The following MYO9B variants were observed in gnomAD, a reference collection of about 807,000 sequenced individuals.
MYO9B encodes unconventional myosin-IXb.
Under a neutral mutation model 229.5 loss-of-function variants are expected in MYO9B, and 71 were observed. The ratio of observed to expected loss-of-function variants is 0.31; its 90% confidence interval spans 0.26 to 0.38. The LOEUF (loss-of-function observed/expected upper bound fraction) is 0.38, where lower values mean the gene tolerates loss of function less well. Ranked by LOEUF, MYO9B falls within the 10% of genes least tolerant of loss-of-function variation. The pLI is 1.00. For synonymous variants in MYO9B, 1,185 were observed against 1,235.8 expected (o/e 0.96, Z 0.86); for missense variants, 2,255 against 2,920.5 (o/e 0.77, Z 5.25).
At chr19:17,160,516 T>C (rs1270775254) in intron 8 of MYO9B, among the ~76,000 whole-genome samples, 2 of 148,368 alleles carry the variant, frequency 1.3e-5, no homozygotes, top group Non-Finnish European at 3.0e-5. Context: ...TTTTCTTTTT[T>C]TTTTTTTTTT....
Position 17,212,284 on chromosome 19 carries a change from C to G in MYO9B, c.6448C>G (p.Pro2150Ala). 2.0e-6 allele frequency: 3 copies of G among 1,538,344 alleles called. No individual in the cohort carries two copies. The highest frequency in any genetic ancestry group is 2.6e-6 in the Non-Finnish European group (3 of 1,150,264). The change falls in exon 40 of 40, where the codon CCC (proline) becomes GCC (alanine). Residue 2150 changes from proline (P) to alanine (A), a missense_variant. Physicochemically the swap from Pro to Ala is conservative, Grantham distance 27 (BLOSUM62 -1). Around this residue, in one of 7 missense-constraint regions of MYO9B, gnomAD observed 331 missense variants for 332.5 expected, o/e 1.00. Transcript: ENST00000682292. The surrounding 1 kb of genome is among the most constrained non-coding windows in gnomAD (Gnocchi z 5.4). The stretch of plus-strand genomic sequence containing the variant: ...GGATCCCCCAACGTACTGCCTGCCC[C>G]CCGCCTCGGGCCAGACCAATGGCTG... The part of the protein sequence containing the change: ...YSDPPTYCLP[P>A]ASGQTNG
chr19:17,211,335 G>A (rs953789794), intron 38 of MYO9B, among the ~76,000 whole-genome samples: 4 of 152,078 alleles, frequency 2.6e-5, no homozygotes, highest in African/African-American at 4.8e-5. Flanking sequence ...GCAGTGGTGC[G>A]ATCACGGTTC....
At chr19:17,121,455 A>G (rs1038775888) in intron 2 of MYO9B, among the ~76,000 whole-genome samples, 5 of 151,018 alleles carry the variant, frequency 3.3e-5, no homozygotes, top group Non-Finnish European at 7.4e-5. Context: ...ATATATATAT[A>G]TATATATATC....
chr19:17,158,846 A>G (rs2072566529), intron 7 of MYO9B, among the ~76,000 whole-genome samples: 1 of 152,210 alleles, frequency 6.6e-6, no homozygotes, highest in Non-Finnish European at 1.5e-5. Context: ...ACGGAGCATG[A>G]GCATCCGGCA....
intron 35 of MYO9B, among the ~76,000 whole-genome samples, chr19:17,208,353 A>AAAAAGCAAAT (rs74332276): frequency 8.0e-6 from 1 of 124,614 alleles, no homozygotes. Flanking sequence ...AAAAAAAAAA[A>AAAAAGCAAAT]ATCCAGATGG....
intron 2 of MYO9B, among the ~76,000 whole-genome samples, chr19:17,106,593 A>C (rs564543645): frequency 6.6e-6 from 1 of 152,338 alleles, no homozygotes; most frequent in African/African-American, 2.4e-5. Flanking sequence ...AGGCCAAAAC[A>C]TCAGTGCCTG....
At position 17,184,795 on chromosome 19, in the gene MYO9B, C is replaced by T. The variant is rs570466787; in HGVS notation, c.2374-70C>T. ...CGCTGTTCTGCCCTGGCTTCGGGGA[C>T]ACCTGTGATGCCTCCCCGTGCCCGT... On this transcript the variant is annotated intron_variant, in intron 16 of 39. Transcript: ENST00000682292. The T allele has an allele frequency of 2.5e-5, 40 of 1,599,752 alleles. No individual in the cohort carries two copies. In the African/African-American group the frequency reaches 4.3e-4, roughly 17 times the overall value.
At chr19:17,178,843 G>A (rs2072820777) in intron 14 of MYO9B, among the ~76,000 whole-genome samples, 1 of 151,956 alleles carries the variant, frequency 6.6e-6, no homozygotes, top group African/African-American at 2.4e-5. Context: ...AGACCAGCCT[G>A]GCCAACATGG....
At chr19:17,091,517 GC>G (rs2057638137) in intron 1 of MYO9B, among the ~76,000 whole-genome samples, 1 of 152,192 alleles carries the variant, frequency 6.6e-6, no homozygotes, top group South Asian at 2.1e-4. Flanking sequence ...GACCAGCCTG[GC>G]CAACATGGTG....
In MYO9B at chr19:17,157,020, C is replaced by A. The variant is rs2072544861; in HGVS notation, c.1311C>A (p.Thr437=). ...LEVGPPEVLD[T]LSQLLKVKRE... is the part of the protein sequence containing the mutation. ...TCGGGCCACCCGAGGTGCTGGACAC[C>A]CTGTCGCAGCTTCTGAAGGTACTGA... The change falls in exon 7 of 40, where the codon ACC becomes ACA. Residue 437 remains threonine, a synonymous_variant. Transcript: ENST00000682292. 1 of 1,613,468 alleles carries A rather than the reference C, an allele frequency of 6.2e-7. No individual in the cohort carries two copies. The highest frequency in any genetic ancestry group is 1.7e-5 in the Admixed American group (1 of 59,944).
intron 2 of MYO9B, among the ~76,000 whole-genome samples, chr19:17,121,637 G>T (rs1413967567): frequency 6.6e-6 from 1 of 152,082 alleles, no homozygotes; most frequent in East Asian, 1.9e-4. Context: ...CCTCCTTCCA[G>T]CCCTCCCTAA....
intron 7 of MYO9B, among the ~76,000 whole-genome samples, chr19:17,158,031 T>C (rs1467635364): frequency 2.6e-5 from 4 of 152,310 alleles, no homozygotes; most frequent in African/African-American, 9.6e-5. Context: ...TGCCATACTC[T>C]GGGTTGCTCC....
intron 3 of MYO9B, among the ~76,000 whole-genome samples, chr19:17,152,133 G>A (rs1252919896): frequency 6.8e-6 from 1 of 147,896 alleles, no homozygotes; most frequent in Non-Finnish European, 1.5e-5. Flanking sequence ...GTTGCAGTGA[G>A]TAGAAATCAC....
intron 3 of MYO9B, among the ~76,000 whole-genome samples, chr19:17,146,055 A>G (rs938275663): frequency 3.5e-4 from 53 of 151,962 alleles, no homozygotes; most frequent in African/African-American, 1.3e-3. Flanking sequence ...GGATGGATGG[A>G]TGGATGAATT....
Position 17,198,037 on chromosome 19 carries a change from G to A in MYO9B, c.4114-147G>A, listed in dbSNP as rs149491254. 3.6e-4 allele frequency: 492 copies of A among 1,366,652 alleles called. 3 individuals are homozygous for A. The African/African-American group carries it at 6.6e-3, about 18-fold the overall frequency. 84.7% of individuals were successfully genotyped at this position (1,366,652 alleles called of 1,614,324 possible). ...AGACCAGGCCACTGCACTCCAGCCT[G>A]GGCAACTAGAGTGAGACTCCGTTTC... On this transcript the variant is annotated intron_variant, in intron 23 of 39. Transcript: ENST00000682292.
intron 14 of MYO9B, 102 bp from the exon 15 acceptor site, chr19:17,180,825 G>C: frequency 1.4e-6 from 1 of 700,478 alleles, no homozygotes; most frequent in Non-Finnish European, 2.4e-6. Context: ...GGCTTCAGTG[G>C]CCTGGGGATG....
intron 11 of MYO9B, among the ~76,000 whole-genome samples, chr19:17,171,392 T>C (rs1242696380): frequency 1.3e-5 from 2 of 152,102 alleles, no homozygotes; most frequent in African/African-American, 4.8e-5. Flanking sequence ...TAGCCTCTTC[T>C]TCCAACTGTG....
chr19:17,185,836 C>T (rs562398617), intron 17 of MYO9B, 85 bp from the exon 18 acceptor site: 5 of 1,086,124 alleles, frequency 4.6e-6, no homozygotes, highest in Middle Eastern at 2.1e-4. Context: ...CACACTGATG[C>T]TAGAGTGTCC....
At chr19:17,134,370 T>TC (rs1446706147) in intron 2 of MYO9B, among the ~76,000 whole-genome samples, 14 of 145,296 alleles carry the variant, frequency 9.6e-5, no homozygotes, top group African/African-American at 2.6e-4. Flanking sequence ...GTTTTTTTTT[T>TC]CGTTTTGTTT....
Sources: gnomAD v4.1 joint callset for allele counts (sites outside exome capture counted in the v4.1 genomes callset) on GRCh38, gnomAD v4.1.1 for gene constraint, gnomAD v4.1.1 regional missense constraint, Gnocchi (gnomAD v3.1) non-coding constraint, MANE v1.5 for transcripts, NCBI Gene and HGNC (gene_info 2026-07-23, HGNC 2026-07-21) for gene names.